CEMIP: variants seen among roughly 807,000 people sequenced by gnomAD.
CEMIP encodes the protein cell migration inducing hyaluronidase 1.
A neutral mutation model predicts 156.9 loss-of-function variants in CEMIP; 105 were observed. That is an observed-to-expected ratio of 0.67 (90% CI 0.57 to 0.79). The LOEUF (loss-of-function observed/expected upper bound fraction) is 0.79, where lower values mean the gene tolerates loss of function less well. Among genes scored for constraint, CEMIP ranks in the 30% least tolerant of loss-of-function variants. The probability of loss-of-function intolerance (pLI) is 0.00; values close to 1 mark genes in which losing one functional copy is unlikely to be tolerated. For synonymous variants in CEMIP, 676 were observed against 668.4 expected (o/e 1.01, Z -0.17); for missense variants, 1,457 against 1,769.4 (o/e 0.82, Z 3.17).
chr15:80,831,505 C>T (rs1016731995), intron 1 of CEMIP, among the ~76,000 whole-genome samples: 3 of 152,120 alleles, frequency 2.0e-5, no homozygotes, highest in East Asian at 1.9e-4. Context: ...CGTGTTGGCT[C>T]AGGATCTCTG....
intron 10 of CEMIP, among the ~76,000 whole-genome samples, chr15:80,894,619 C>T (rs1899147759): frequency 6.6e-6 from 1 of 152,108 alleles, no homozygotes; most frequent in Non-Finnish European, 1.5e-5. Flanking sequence ...GACTGTTGGC[C>T]GCTGTTCATG....
chr15:80,784,165 A>G (rs1374987530), intron 1 of CEMIP, among the ~76,000 whole-genome samples: 1 of 152,226 alleles, frequency 6.6e-6, no homozygotes, highest in African/African-American at 2.4e-5. Flanking sequence ...ATGCAACTTC[A>G]GTTTAAAGTG....
chr15:80,905,987 C>G (rs1014554069), intron 12 of CEMIP, among the ~76,000 whole-genome samples: 2 of 152,226 alleles, frequency 1.3e-5, no homozygotes, highest in African/African-American at 4.8e-5. Context: ...AAGCTCCAAT[C>G]TGGCTCTTTC....
intron 14 of CEMIP, among the ~76,000 whole-genome samples, chr15:80,918,598 T>C (rs753573368): frequency 6.6e-5 from 10 of 152,290 alleles, no homozygotes; most frequent in Non-Finnish European, 2.9e-5. Context: ...AGGTACTGAA[T>C]AGGTGTGGGT....
chr15:80,827,214 A>G (rs1306776814), intron 1 of CEMIP, among the ~76,000 whole-genome samples: 1 of 152,064 alleles, frequency 6.6e-6, no homozygotes, highest in Non-Finnish European at 1.5e-5. Flanking sequence ...AGTTCTTTTT[A>G]CCTGATATGA....
At chr15:80,947,141 T>G in intron 29 of CEMIP, 76 bp downstream of exon 29, 1 of 927,378 alleles carries the variant, frequency 1.1e-6, no homozygotes, top group Non-Finnish European at 1.8e-6. Flanking sequence ...GGTGCTGTCA[T>G]CTTTTGCTGA....
At chr15:80,900,497 G>GC (rs958014178) in intron 12 of CEMIP, among the ~76,000 whole-genome samples, 1 of 151,920 alleles carries the variant, frequency 6.6e-6, no homozygotes, top group Non-Finnish European at 1.5e-5. Flanking sequence ...GCTCGGAGCA[G>GC]CCACCTCCTT....
chr15:80,895,839 T>C, intron 11 of CEMIP, 30 bp from the exon 12 acceptor site: 1 of 1,611,712 alleles, frequency 6.2e-7, no homozygotes, highest in African/African-American at 1.3e-5. Context: ...CAAAGGGCTC[T>C]ATCTCAGTCT....
At chr15:80,836,266 A>G (rs991181690) in intron 1 of CEMIP, among the ~76,000 whole-genome samples, 4 of 152,218 alleles carry the variant, frequency 2.6e-5, no homozygotes, top group African/African-American at 9.7e-5. Flanking sequence ...TGCTTCTCTA[A>G]GAGCGAAAAG....
At chr15:80,941,405 T>A (rs1310153128) in intron 25 of CEMIP, among the ~76,000 whole-genome samples, 2 of 152,140 alleles carry the variant, frequency 1.3e-5, no homozygotes, top group African/African-American at 2.4e-5. Context: ...AAACTAGAGA[T>A]AGGAAGACAG....
At chr15:80,942,478 G>A in intron 27 of CEMIP, 141 bp downstream of exon 27, 1 of 744,180 alleles carries the variant, frequency 1.3e-6, no homozygotes, top group Non-Finnish European at 2.4e-6. Flanking sequence ...TTGGGGCGGG[G>A]AACCTGTTCC....
chr15:80,847,575 T>C (rs1897594552), intron 1 of CEMIP, among the ~76,000 whole-genome samples: 1 of 152,134 alleles, frequency 6.6e-6, no homozygotes, highest in Non-Finnish European at 1.5e-5. Flanking sequence ...CAGAATCCAA[T>C]ATTTCAGGTA....
rs76422440 is a variant in CEMIP at position 80,889,498 on chromosome 15, A to C, written c.992A>C (p.His331Pro). ...GTGGAGTGGACGGAGTGGTTCGATC[A>C]TGATAAAGTATCTCAGACTAAAGGT... ...QDVEWTEWFDHDKVSQTKGGE... is the reference protein window; with the variant it reads ...QDVEWTEWFDPDKVSQTKGGE... The change falls in exon 10 of 30, where the codon CAT becomes CCT. Residue 331 changes from histidine (H) to proline (P), a missense_variant. Around this residue, in one of 5 missense-constraint regions of CEMIP, gnomAD observed 280 missense variants for 300.3 expected, o/e 0.93. Transcript: ENST00000394685. The C allele has an allele frequency of 6.2e-7, 1 of 1,614,188 alleles. No homozygotes were observed. Among genetic ancestry groups the C allele is most frequent in the East Asian group, 2.2e-5 (1 of 44,878 alleles).
rs1168009398 is a variant in CEMIP, at chr15:80,936,738, G to A, written c.3074G>A (p.Ser1025Asn). The part of the protein sequence containing the change: ...RMKIIKNDFP[S>N]HPLYLEGALT... ...AAGATCATCAAGAATGACTTCCCCA[G>A]CCACCCTCTTTACCTGGAGGGGGCG... Residue 1025 changes from serine to asparagine, a missense_variant, in exon 24 of 30, where the codon AGC (serine) becomes AAC (asparagine). By Grantham distance (46) the Ser-to-Asn change is conservative. Coordinates refer to ENST00000394685, the MANE Select transcript of CEMIP (RefSeq NM_001293298.2). The A allele has an allele frequency of 1.9e-6, 3 of 1,614,026 alleles. No homozygotes were observed.
At chr15:80,782,458 T>C (rs1895822167) in intron 1 of CEMIP, among the ~76,000 whole-genome samples, 1 of 152,174 alleles carries the variant, frequency 6.6e-6, no homozygotes, top group African/African-American at 2.4e-5. Context: ...TGAGCACTTA[T>C]TTGATCCCAG....
At chr15:80,923,722 C>G (rs1222234430) in intron 17 of CEMIP, among the ~76,000 whole-genome samples, 2 of 152,200 alleles carry the variant, frequency 1.3e-5, no homozygotes, top group Non-Finnish European at 2.9e-5. Flanking sequence ...TCCACATCCA[C>G]AGTGAGAGGG....
intron 1 of CEMIP, among the ~76,000 whole-genome samples, chr15:80,868,857 A>G (rs571687289): frequency 5.9e-5 from 9 of 152,316 alleles, no homozygotes; most frequent in African/African-American, 1.9e-4. Context: ...GTTTGCTTCA[A>G]TTATTACTAT....
chr15:80,809,694 C>G (rs768092780), intron 1 of CEMIP, among the ~76,000 whole-genome samples: 1 of 152,120 alleles, frequency 6.6e-6, no homozygotes, highest in Non-Finnish European at 1.5e-5. Flanking sequence ...GGGGAAAATC[C>G]GCTTCTGGGC....
At chr15:80,946,677 C>A in intron 28 of CEMIP, 1 of 439,478 alleles carries the variant, frequency 2.3e-6, no homozygotes. Flanking sequence ...ATCCTCTCCT[C>A]TGTTTGGAGA....
Sources: allele counts gnomAD v4.1 joint callset (sites outside exome capture counted in the v4.1 genomes callset), GRCh38; gene constraint gnomAD v4.1.1; regional missense constraint gnomAD v4.1.1; transcripts MANE v1.5; gene names NCBI Gene and HGNC (gene_info 2026-07-23, HGNC 2026-07-21).